Variants in CORO2B observed in about 807,000 individuals in gnomAD.
CORO2B encodes the protein coronin 2B, also known as coronin-2B.
A neutral mutation model predicts 58.8 loss-of-function variants in CORO2B; 26 were observed. The observed-to-expected ratio is 0.44, with a 90% CI of 0.32 to 0.61. The LOEUF is 0.61. Ranked by LOEUF, CORO2B falls within the 20% of genes least tolerant of loss-of-function variation. CORO2B has a pLI of 0.04. For synonymous variants in CORO2B, 242 were observed against 253.8 expected, an observed-to-expected ratio of 0.95 and a Z score of 0.44; for missense variants, 460 against 645.1, an observed-to-expected ratio of 0.71 and a Z score of 3.11.
intron 2 of CORO2B, among the ~76,000 whole-genome samples, chr15:68,678,133 A>G (rs1350046861): frequency 6.6e-6 from 1 of 152,122 alleles, no homozygotes; most frequent in Non-Finnish European, 1.5e-5. Context: ...CTTGTACAGC[A>G]CCCGTGCCAC....
At chr15:68,564,245 T>C in the CORO2B span, among the ~76,000 whole-genome samples, 1 of 152,206 alleles carries the variant, frequency 6.6e-6, no homozygotes, top group Non-Finnish European at 1.5e-5. Flanking sequence ...CAGTGGGCTC[T>C]GGCATACCTA....
At chr15:68,596,360 G>A (rs1465060175) in intron 1 of CORO2B, among the ~76,000 whole-genome samples, 1 of 148,974 alleles carries the variant, frequency 6.7e-6, no homozygotes, top group South Asian at 2.1e-4. Context: ...GGCATGGGGG[G>A]TAGGGGGTGG....
At position 68,713,980 on chromosome 15, in the gene CORO2B, A is replaced by C; in HGVS notation, c.704A>C (p.Lys235Thr). The C allele has an allele frequency of 6.2e-7, 1 of 1,614,126 alleles. No homozygotes were observed. The highest frequency in any genetic ancestry group is 8.5e-7 in the Non-Finnish European group (1 of 1,179,996). ...VNRVVFLGNM[K>T]RLLTTGVSRW... ...CGGGTGGTGTTCCTGGGGAACATGA[A>C]GCGGCTCCTCACGACAGGGGTCTCC... The change falls in exon 6 of 12, where the codon AAG (lysine) becomes ACG (threonine). Residue 235 changes from lysine (K) to threonine (T), a missense_variant. This residue lies in a region of CORO2B where 352 missense variants were observed against 543.0 expected (regional missense o/e 0.65). Coordinates refer to ENST00000261861, the MANE Select transcript of CORO2B (RefSeq NM_006091.5).
At chr15:68,646,249 G>A (rs114760836) in intron 2 of CORO2B, among the ~76,000 whole-genome samples, 1,970 of 152,266 alleles carry the variant, frequency 0.013, 54 homozygotes, top group African/African-American at 0.046. Context: ...CCACTCAGGC[G>A]GAGTCCCCAG....
the CORO2B span, among the ~76,000 whole-genome samples, chr15:68,524,052 C>A: frequency 7.2e-5 from 11 of 151,854 alleles, no homozygotes; most frequent in African/African-American, 2.7e-4. Context: ...ATAGTGAGAC[C>A]TCATTTTTAT....
chr15:68,572,691 G>C, the CORO2B span, among the ~76,000 whole-genome samples: 1 of 152,166 alleles, frequency 6.6e-6, no homozygotes, highest in Non-Finnish European at 1.5e-5. Context: ...AGGTGAAACT[G>C]AGGCTGGTTT....
intron 1 of CORO2B, among the ~76,000 whole-genome samples, chr15:68,638,017 C>G (rs1347434767): frequency 1.3e-5 from 2 of 152,150 alleles, no homozygotes; most frequent in Non-Finnish European, 2.9e-5. Context: ...AAAAAGCCAT[C>G]CTACATTTCT....
intron 1 of CORO2B, among the ~76,000 whole-genome samples, chr15:68,634,656 C>T (rs939815439): frequency 2.6e-5 from 4 of 152,130 alleles, no homozygotes; most frequent in South Asian, 2.1e-4. Flanking sequence ...TGCAGATTCT[C>T]GGGCCCCACC....
intron 2 of CORO2B, among the ~76,000 whole-genome samples, chr15:68,678,646 C>A (rs1902668005): frequency 6.6e-6 from 1 of 152,152 alleles, no homozygotes; most frequent in Non-Finnish European, 1.5e-5. Flanking sequence ...TGTACTCCAG[C>A]CTGGGCAAAA....
chr15:68,619,374 A>G (rs1351481470), intron 1 of CORO2B, among the ~76,000 whole-genome samples: 1 of 152,216 alleles, frequency 6.6e-6, no homozygotes, highest in African/African-American at 2.4e-5. Context: ...TAAATAAAAT[A>G]CAAATAAAAC....
chr15:68,599,857 G>A (rs1899938081), intron 1 of CORO2B, among the ~76,000 whole-genome samples: 1 of 152,196 alleles, frequency 6.6e-6, no homozygotes, highest in African/African-American at 2.4e-5. Flanking sequence ...GTGAATTCAG[G>A]GACTATTAGC....
intron 3 of CORO2B, among the ~76,000 whole-genome samples, chr15:68,699,312 G>A (rs1033337063): frequency 2.0e-5 from 3 of 152,120 alleles, no homozygotes; most frequent in African/African-American, 4.8e-5. Flanking sequence ...GGACCCCACC[G>A]AGTGTGGTGC....
At chr15:68,532,276 G>A in the CORO2B span, among the ~76,000 whole-genome samples, 1 of 151,848 alleles carries the variant, frequency 6.6e-6, no homozygotes, top group Non-Finnish European at 1.5e-5. Context: ...TGGTACTTTA[G>A]CTACGTATGT....
intron 1 of CORO2B, among the ~76,000 whole-genome samples, chr15:68,605,223 A>G (rs112668592): frequency 1.3e-5 from 2 of 152,228 alleles, no homozygotes; most frequent in East Asian, 1.9e-4. Context: ...ATAAGCCATT[A>G]TCAAAGACAC....
the CORO2B span, among the ~76,000 whole-genome samples, chr15:68,542,227 G>C: frequency 2.2e-4 from 33 of 152,286 alleles, no homozygotes; most frequent in African/African-American, 7.0e-4. Flanking sequence ...GTATTAGGCT[G>C]ACCCATCCTT....
chr15:68,658,471 G>A (rs926272433), intron 2 of CORO2B, among the ~76,000 whole-genome samples: 1 of 152,374 alleles, frequency 6.6e-6, no homozygotes, highest in Middle Eastern at 3.4e-3. Flanking sequence ...GTAGAAGCGG[G>A]AGGGGCTGGC....
chr15:68,642,105 C>T (rs1595984732), intron 1 of CORO2B, among the ~76,000 whole-genome samples: 1 of 145,136 alleles, frequency 6.9e-6, no homozygotes, highest in African/African-American at 2.6e-5. Flanking sequence ...GGCGCGATCT[C>T]GGCTCACTGC....
upstream of CORO2B, chr15:68,578,949 CCTCCCCCCG>C: frequency 1.6e-6 from 1 of 631,050 alleles, no homozygotes; most frequent in Non-Finnish European, 2.0e-6. The surrounding 1 kb of genome is among the most constrained non-coding windows in gnomAD (Gnocchi z 4.2). Context: ...GGCCCCTCTT[CCTCCCCCCG>C]CCCCCCAGCC....
At chr15:68,641,693 T>G (rs1341341854) in intron 1 of CORO2B, 1 of 541,792 alleles carries the variant, frequency 1.8e-6, no homozygotes, top group Non-Finnish European at 2.4e-6. Flanking sequence ...TCCCAAGCCC[T>G]TGGAGGTGAT....
Sources: gnomAD v4.1 joint callset for allele counts (sites outside exome capture counted in the v4.1 genomes callset) on GRCh38, gnomAD v4.1.1 for gene constraint, gnomAD v4.1.1 regional missense constraint, Gnocchi (gnomAD v3.1) non-coding constraint, MANE v1.5 for transcripts, NCBI Gene and HGNC (gene_info 2026-07-23, HGNC 2026-07-21) for gene names.